The following CACNA1C variants were observed in gnomAD, a reference collection of about 807,000 sequenced individuals.
CACNA1C encodes the protein calcium voltage-gated channel subunit alpha1 C, also known as voltage-dependent L-type calcium channel subunit alpha-1C.
A neutral mutation model predicts 229.0 loss-of-function variants in CACNA1C; 30 were observed. The observed-to-expected ratio is 0.13, with a 90% confidence interval of 0.10 to 0.18. The LOEUF is 0.18. Ranked by LOEUF, CACNA1C falls within the 10% of genes least tolerant of loss-of-function variation. CACNA1C has a pLI of 1.00. For synonymous variants in CACNA1C, 1,114 were observed against 1,132.5 expected (o/e 0.98, Z 0.33); for missense variants, 1,658 against 2,845.0 (o/e 0.58, Z 9.49).
At position 2,599,558 on chromosome 12, in the gene CACNA1C, G is replaced by T. The variant is rs905219921; in HGVS notation, c.2853+2269G>T. On this transcript the variant is annotated intron_variant, in intron 21 of 46. Transcript: ENST00000399655. The stretch of plus-strand genomic sequence containing the variant: ...TAGAAGAGCTGCCTGGAGAGGCAGG[G>T]ATGGCCCGTGGTTGAACAGAGAGCT... Among the ~76,000 whole-genome samples the T allele has an allele frequency of 2.0e-5, 3 of 152,188 alleles. No homozygotes were observed. In the East Asian group the frequency reaches 5.8e-4, roughly 29 times the overall value.
chr12:2,606,675 T>TG lies in CACNA1C; in HGVS notation c.3209+15dup. 6.2e-7 allele frequency: 1 copy of TG among 1,605,886 alleles called. No individual in the cohort carries two copies. The highest frequency in any genetic ancestry group is 8.5e-7 in the Non-Finnish European group (1 of 1,176,392). ...GAGGCGGAATGCAAGTGAGTAGAGG[T>TG]GGGAGGGCAGCCAGGGCCACGGCCG... On this transcript the variant is annotated intron_variant, in intron 25 of 46. Transcript: ENST00000399655.
chr12:2,234,316 A>G (rs1488153652), intron 3 of CACNA1C, among the ~76,000 whole-genome samples: 1 of 152,172 alleles, frequency 6.6e-6, no homozygotes, highest in Non-Finnish European at 1.5e-5. Context: ...CTCAGCATGC[A>G]AAATATGCAC....
At chr12:2,179,926 T>C (rs2096782189) in intron 3 of CACNA1C, among the ~76,000 whole-genome samples, 2 of 152,236 alleles carry the variant, frequency 1.3e-5, no homozygotes, top group Non-Finnish European at 2.9e-5. Flanking sequence ...TCAAATGAAA[T>C]TTTGATCATT....
At chr12:2,596,055 C>T in intron 20 of CACNA1C, 52 bp downstream of exon 20, 1 of 1,532,954 alleles carries the variant, frequency 6.5e-7, no homozygotes. Flanking sequence ...CTGTGCCAGG[C>T]CCACAGCTTC....
chr12:2,256,368 A>T (rs563861332), intron 3 of CACNA1C, among the ~76,000 whole-genome samples: 2 of 152,250 alleles, frequency 1.3e-5, no homozygotes, highest in African/African-American at 4.8e-5. Flanking sequence ...TGTTTTGCTA[A>T]GTCTAGCCTG....
In CACNA1C at chr12:2,241,143, G is replaced by A. The variant is rs150089198; in HGVS notation, c.477+120713G>A. On this transcript the variant is annotated intron_variant, in intron 3 of 46. Coordinates refer to ENST00000399655, the MANE Select transcript of CACNA1C (RefSeq NM_000719.7). ...TGGCAGCTTTATTTCTGACTTGCGAGTGGTTCAAGAAGCCTCCATCCTCCC... is the reference window on the plus strand; with the variant it reads ...TGGCAGCTTTATTTCTGACTTGCGAATGGTTCAAGAAGCCTCCATCCTCCC... 2.4e-3 allele frequency among the ~76,000 whole-genome samples: 371 copies of A among 152,192 alleles called. 2 individuals are homozygous for A. The highest frequency in any genetic ancestry group is 8.2e-3 in the African/African-American group (341 of 41,544).
chr12:2,053,216 C>T lies in CACNA1C; in HGVS notation c.-347C>T, dbSNP rs994512119. On this transcript the variant is annotated 5_prime_UTR_variant, in exon 1 of 47. Coordinates refer to ENST00000399655, the MANE Select transcript of CACNA1C (RefSeq NM_000719.7). This position sits in a 1 kb window ranked among gnomAD's most constrained non-coding sequence, Gnocchi z 5.8. Reference sequence around the variant, plus strand: ...CGGGCCCCGCGCGCCCCCCGCCCCTCCTCTCCGCCTCTTCTCGCCCTGCCT... The same window carrying T: ...CGGGCCCCGCGCGCCCCCCGCCCCTTCTCTCCGCCTCTTCTCGCCCTGCCT... The T allele has an allele frequency of 6.1e-5, 62 of 1,014,684 alleles. No homozygotes were observed. In the African/African-American group the frequency reaches 1.1e-3, roughly 17 times the overall value. The allele number at this position is 1,014,684 out of a possible 1,614,324, so 62.9% of individuals were successfully genotyped here. A position where few individuals can be genotyped will look rare whatever the true frequency, so the allele number is the denominator to read the frequency against.
intron 3 of CACNA1C, among the ~76,000 whole-genome samples, chr12:2,373,547 C>T (rs559487382): frequency 2.5e-4 from 38 of 152,194 alleles, no homozygotes; most frequent in East Asian, 1.2e-3. Context: ...CAGCATGGAG[C>T]GCTCTGAACT....
chr12:2,189,092 CAAAAAAAAAAA>C (rs57559183), intron 3 of CACNA1C, among the ~76,000 whole-genome samples: 1 of 34,400 alleles, frequency 2.9e-5, no homozygotes, highest in African/African-American at 6.7e-5. Context: ...GACTCCGTCT[CAAAAAAAAAAA>C]AAAAAAAAAA....
intron 20 of CACNA1C, among the ~76,000 whole-genome samples, chr12:2,596,769 A>T (rs2068433842): frequency 6.6e-6 from 1 of 152,116 alleles, no homozygotes; most frequent in South Asian, 2.1e-4. Flanking sequence ...CCAGGAATAG[A>T]TGTCCACCAT....
At chr12:2,208,054 C>T (rs901143255) in intron 3 of CACNA1C, among the ~76,000 whole-genome samples, 5 of 152,156 alleles carry the variant, frequency 3.3e-5, no homozygotes, top group Admixed American at 6.5e-5. Flanking sequence ...CCTTTGAGGA[C>T]GGCAGGGCTG....
intron 9 of CACNA1C, among the ~76,000 whole-genome samples, chr12:2,517,380 C>G (rs1457650168): frequency 1.3e-5 from 2 of 152,234 alleles, no homozygotes; most frequent in African/African-American, 4.8e-5. Context: ...CAGTCAGTGT[C>G]TAAAGCTTAG....
intron 3 of CACNA1C, among the ~76,000 whole-genome samples, chr12:2,124,378 AG>A (rs1466932994): frequency 6.6e-6 from 1 of 152,150 alleles, no homozygotes; most frequent in East Asian, 1.9e-4. Context: ...GAGATACTTC[AG>A]GTTGAAGTGT....
chr12:2,490,415 A>G (rs1185672372), intron 6 of CACNA1C, among the ~76,000 whole-genome samples: 1 of 152,216 alleles, frequency 6.6e-6, no homozygotes, highest in Non-Finnish European at 1.5e-5. Context: ...TTCTGCGAAA[A>G]AGCAAAACAT....
chr12:2,039,369 A>T (rs958036247), intron 1 of CACNA1C, among the ~76,000 whole-genome samples: 1 of 152,206 alleles, frequency 6.6e-6, no homozygotes, highest in Admixed American at 6.5e-5. Context: ...CTTGGTTTCA[A>T]AATTTCTCTT....
chr12:2,231,760 A>G (rs1035367669), intron 3 of CACNA1C, among the ~76,000 whole-genome samples: 2 of 152,100 alleles, frequency 1.3e-5, no homozygotes, highest in African/African-American at 2.4e-5. Context: ...AGCTGCTAAC[A>G]GTCTTGCACA....
At position 2,647,961 on chromosome 12, in the gene CACNA1C, C is replaced by T. The variant is rs1245263325; in HGVS notation, c.3913-514C>T. ...TGGGCAGTATAGTGAGACCCTGTCT[C>T]TAAAAAAATTAAAATAAAAAATTTA... On this transcript the variant is annotated intron_variant, in intron 30 of 46. Coordinates refer to ENST00000399655, the MANE Select transcript of CACNA1C (RefSeq NM_000719.7). This position sits in a 1 kb window ranked among gnomAD's most constrained non-coding sequence, Gnocchi z 4.2. Among the ~76,000 whole-genome samples, 1 of 152,010 alleles carries T rather than the reference C, an allele frequency of 6.6e-6. No homozygotes were observed. Among genetic ancestry groups the T allele is most frequent in the African/African-American group, 2.4e-5 (1 of 41,356 alleles).
Position 2,144,927 on chromosome 12 carries a change from G to C in CACNA1C, c.477+24497G>C, listed in dbSNP as rs562648363. ...AGCCACACCTGTCATGAGGGACCAG[G>C]AGAGGCTTCTAGGAGGAAAGAGAAC... On this transcript the variant is annotated intron_variant, in intron 3 of 46. Transcript: ENST00000399655. Among the ~76,000 whole-genome samples the C allele has an allele frequency of 2.0e-5, 3 of 151,422 alleles. 1 individual carries two copies. The South Asian group carries it at 6.3e-4, about 32-fold the overall frequency.
intron 27 of CACNA1C, 48 bp from the exon 28 acceptor site, chr12:2,610,493 C>T (rs562767267): frequency 6.4e-7 from 1 of 1,572,082 alleles, no homozygotes; most frequent in East Asian, 2.2e-5. Context: ...CCCCCCACAC[C>T]CTCCAGTTAA....
Sources: allele counts gnomAD v4.1 joint callset (sites outside exome capture counted in the v4.1 genomes callset), GRCh38; gene constraint gnomAD v4.1.1; non-coding constraint Gnocchi (gnomAD v3.1); transcripts MANE v1.5; gene names NCBI Gene and HGNC (gene_info 2026-07-23, HGNC 2026-07-21).